RPS6: variants seen among roughly 807,000 people sequenced by gnomAD.
The protein encoded by RPS6 is small ribosomal subunit protein eS6.
Under a neutral mutation model 27.1 loss-of-function variants are expected in RPS6, and 1 was observed. The observed-to-expected ratio is 0.04, with a 90% CI of 0.01 to 0.18. The LOEUF (loss-of-function observed/expected upper bound fraction) is 0.18, where lower values mean the gene tolerates loss of function less well. RPS6 is among the 10% of genes least tolerant of loss of function. The pLI, the probability that RPS6 is intolerant of heterozygous loss-of-function variation, is 1.00. For missense variants in RPS6, 259 were observed against 319.1 expected (o/e 0.81, Z 1.44); for synonymous variants, 152 against 106.0 (o/e 1.43, Z -2.66).
chr9:19,379,074 C>G, intron 2 of RPS6, 156 bp from the exon 3 acceptor site: 1 of 836,390 alleles, frequency 1.2e-6, no homozygotes, highest in Non-Finnish European at 1.8e-6. Flanking sequence ...TGAGTTTTGT[C>G]TATATTCCCA....
At position 19,378,498 on chromosome 9, in the gene RPS6, A is replaced by G. The variant is rs751734372; in HGVS notation, c.366T>C (p.Pro122=). 3.1e-6 allele frequency: 5 copies of G among 1,613,612 alleles called. No individual in the cohort carries two copies. The highest frequency in any genetic ancestry group is 3.4e-6 in the Non-Finnish European group (4 of 1,179,924). ...GAGGCACTGTAGTATCAGTCAGTCC[A>G]GGAATATCCTTCTCTCCTTAGAAGA... ...VIVKKGEKDI[P]GLTDTTVPRR... The change falls in exon 4 of 6, where the codon CCT becomes CCC. Residue 122 remains proline, a synonymous_variant. Coordinates refer to ENST00000380394, the MANE Select transcript of RPS6 (RefSeq NM_001010.3).
chr9:19,380,065 T>G, intron 1 of RPS6, 125 bp downstream of exon 1: 1 of 1,600,748 alleles, frequency 6.2e-7, no homozygotes, highest in African/African-American at 1.3e-5. Context: ...GCGAGCCTTC[T>G]CCTACTTGAG....
At chr9:19,378,278 C>T in intron 4 of RPS6, 90 bp downstream of exon 4, 3 of 1,343,300 alleles carry the variant, frequency 2.2e-6, no homozygotes, top group Non-Finnish European at 3.1e-6. Flanking sequence ...TAAGGCCTTC[C>T]AAAGGCACAT....
chr9:19,378,216 G>T, intron 4 of RPS6, 152 bp downstream of exon 4: 1 of 685,686 alleles, frequency 1.5e-6, no homozygotes, highest in Non-Finnish European at 2.4e-6. Context: ...CACCAACTGG[G>T]TATGCTGGCC....
In RPS6 at chr9:19,375,903, C is replaced by T. The variant is rs1353902107; in HGVS notation, c.*390G>A. 2 of 154,848 alleles carry T rather than the reference C, an allele frequency of 1.3e-5. No homozygotes were observed. Among genetic ancestry groups the T allele is most frequent in the Admixed American group, 1.3e-4 (2 of 15,576 alleles). 9.6% of individuals were successfully genotyped at this position (154,848 alleles called of 1,614,324 possible). On this transcript the variant is annotated 3_prime_UTR_variant, in exon 6 of 6. Coordinates refer to ENST00000380394, the MANE Select transcript of RPS6 (RefSeq NM_001010.3). ...CTTAAAAGTTACCTTTTAAAAAAGA[C>T]ATGTTCATCTTCACAAGGTCAATTT...
At chr9:19,377,579 A>G (rs1420056609) in intron 4 of RPS6, among the ~76,000 whole-genome samples, 1 of 152,184 alleles carries the variant, frequency 6.6e-6, no homozygotes, top group African/African-American at 2.4e-5. Context: ...AAATTCTTTC[A>G]AATTTTGTCA....
At chr9:19,377,093 AT>A (rs1445611204) in intron 4 of RPS6, among the ~76,000 whole-genome samples, 1 of 152,178 alleles carries the variant, frequency 6.6e-6, no homozygotes, top group Non-Finnish European at 1.5e-5. Flanking sequence ...TTAACATCAG[AT>A]TAGGTGGCAT....
intron 2 of RPS6, chr9:19,379,178 C>A: frequency 2.2e-6 from 2 of 900,284 alleles, no homozygotes; most frequent in Non-Finnish European, 3.3e-6. Flanking sequence ...AAATATCAAA[C>A]AGCAACAAAC....
chr9:19,378,977 C>T (rs1829634593), intron 2 of RPS6, 59 bp from the exon 3 acceptor site: 4 of 1,517,082 alleles, frequency 2.6e-6, no homozygotes, highest in Non-Finnish European at 3.6e-6. Flanking sequence ...TTATACAGTA[C>T]AGGATTGTGA....
intron 4 of RPS6, 75 bp downstream of exon 4, chr9:19,378,293 A>C (rs1305996832): frequency 4.1e-6 from 6 of 1,448,202 alleles, no homozygotes; most frequent in Non-Finnish European, 5.7e-6. Flanking sequence ...GCACATATTT[A>C]TCTTCTGATA....
chr9:19,379,303 T>G, intron 2 of RPS6, 184 bp downstream of exon 2: 1 of 1,481,652 alleles, frequency 6.7e-7, no homozygotes. Context: ...TACGTATATT[T>G]TATGGCTTAC....
Position 19,379,474 on chromosome 9 carries a change from T to C in RPS6, c.138+13A>G. ...TCTGACTTAAATACCTGCAACAATT[T>C]GTCAACTTTTACCTTCCATTCTTCA... On this transcript the variant is annotated intron_variant, in intron 2 of 5. Transcript: ENST00000380394. The C allele has an allele frequency of 1.2e-6, 2 of 1,614,088 alleles. No homozygotes were observed. The highest frequency in any genetic ancestry group is 1.7e-6 in the Non-Finnish European group (2 of 1,180,002).
intron 4 of RPS6, 71 bp from the exon 5 acceptor site, chr9:19,376,722 A>G: frequency 1.4e-6 from 2 of 1,458,368 alleles, no homozygotes; most frequent in Non-Finnish European, 1.9e-6. Flanking sequence ...TAAAAACATC[A>G]GAAATAAACG....
intron 3 of RPS6, 32 bp downstream of exon 3, chr9:19,378,676 T>A (rs1829628863): frequency 6.2e-7 from 1 of 1,610,544 alleles, no homozygotes; most frequent in Admixed American, 1.7e-5. Context: ...TTAAATCAAT[T>A]TCAACGAAAA....
Position 19,376,387 on chromosome 9 carries a change from TC to T in RPS6, c.655del (p.Glu219ArgfsTer35). 2.5e-6 allele frequency: 4 copies of T among 1,614,020 alleles called. No individual in the cohort carries two copies. Among genetic ancestry groups the T allele is most frequent in the Non-Finnish European group, 3.4e-6 (4 of 1,179,984 alleles). ...TTGTTCCTGGCGCTTCTCCTTAGCCTCCTAAACAAAACAAAACAGCAAACAG... is the reference window on the plus strand; with the variant it reads ...TTGTTCCTGGCGCTTCTCCTTAGCCTCTAAACAAAACAAAACAGCAAACAG... Reference protein sequence around the residue: ...YAKLLAKRMKEAKEKRQEQIA... With the variant: ...YAKLLAKRMKXAKEKRQEQIA... On this transcript the variant is annotated frameshift_variant and splice_region_variant, in exon 6 of 6. Transcript: ENST00000380394. LOFTEE classifies it high-confidence loss of function.
chr9:19,378,229 C>A, intron 4 of RPS6, 139 bp downstream of exon 4: 1 of 779,122 alleles, frequency 1.3e-6, no homozygotes, highest in Non-Finnish European at 2.0e-6. Context: ...TGCTGGCCAC[C>A]CCCAAATATT....
At chr9:19,378,319 A>G in intron 4 of RPS6, 49 bp downstream of exon 4, 2 of 1,581,682 alleles carry the variant, frequency 1.3e-6, no homozygotes, top group Admixed American at 1.7e-5. Flanking sequence ...ACAAAATGAT[A>G]GACAAATTAC....
In RPS6 at chr9:19,378,680, A is replaced by C. The variant is rs767699086; in HGVS notation, c.349+28T>G. The C allele has an allele frequency of 1.2e-5, 19 of 1,609,498 alleles. No individual in the cohort carries two copies. In the South Asian group the frequency reaches 2.1e-4, roughly 18 times the overall value. ...GACAACTGGCTTTAAATCAATTTCA[A>C]CGAAAATTGAACACAAGTAACCCTC... On this transcript the variant is annotated intron_variant, in intron 3 of 5. Coordinates refer to ENST00000380394, the MANE Select transcript of RPS6 (RefSeq NM_001010.3).
chr9:19,378,713 T>A lies in RPS6; in HGVS notation c.344A>T (p.Lys115Ile). 6.2e-7 allele frequency: 1 copy of A among 1,614,120 alleles called. No individual in the cohort carries two copies. Among genetic ancestry groups the A allele is most frequent in the South Asian group, 1.1e-5 (1 of 91,084 alleles). ...NLSVLNLVIV[K>I]KGEKDIPGLT... ...TGAACACAAGTAACCCTCACCTTTT[T>A]TTACAATAACCAAGTTGAGAACGCT... The change falls in exon 3 of 6, where the codon AAA (lysine) becomes ATA (isoleucine). Residue 115 changes from lysine to isoleucine, a missense_variant. Coordinates refer to ENST00000380394, the MANE Select transcript of RPS6 (RefSeq NM_001010.3).
Sources: allele counts gnomAD v4.1 joint callset (sites outside exome capture counted in the v4.1 genomes callset), GRCh38; gene constraint gnomAD v4.1.1; transcripts MANE v1.5; gene names NCBI Gene and HGNC (gene_info 2026-07-23, HGNC 2026-07-21).